SHPRH: variants seen among roughly 807,000 people sequenced by gnomAD.
The protein encoded by SHPRH is SNF2 histone linker PHD RING helicase, also known as E3 ubiquitin-protein ligase SHPRH.
In SHPRH, 106 loss-of-function variants were observed where a neutral mutation model predicts 202.5. The observed-to-expected ratio is 0.52, with a 90% CI of 0.45 to 0.62. The LOEUF is 0.62. Among genes scored for constraint, SHPRH ranks in the 20% least tolerant of loss-of-function variants. The probability of loss-of-function intolerance (pLI) is 0.00; values close to 1 mark genes in which losing one functional copy is unlikely to be tolerated. For synonymous variants in SHPRH, 729 were observed against 686.0 expected (o/e 1.06, Z -0.98); for missense variants, 1,710 against 2,020.0 (o/e 0.85, Z 2.94).
intron 27 of SHPRH, 78 bp from the exon 28 acceptor site, chr6:145,893,471 T>C (rs1216483232): frequency 2.4e-6 from 3 of 1,268,992 alleles, no homozygotes; most frequent in East Asian, 5.9e-5. Flanking sequence ...ACTTTAAAGA[T>C]GTCTAATGCT....
intron 25 of SHPRH, chr6:145,908,363 TA>T (rs2128732903): frequency 6.6e-6 from 1 of 152,328 alleles, no homozygotes; most frequent in African/African-American, 2.4e-5. Flanking sequence ...ATGGTTGCAC[TA>T]ATTTATATTC....
intron 16 of SHPRH, 102 bp downstream of exon 16, chr6:145,926,102 T>A: frequency 9.6e-7 from 1 of 1,046,068 alleles, no homozygotes; most frequent in East Asian, 2.6e-5. Flanking sequence ...AAAACATGAT[T>A]ACATTTATTT....
At chr6:145,869,309 C>T (rs779912125) in intron 2 of SHPRH, among the ~76,000 whole-genome samples, 1 of 152,310 alleles carries the variant, frequency 6.6e-6, no homozygotes, top group Non-Finnish European at 1.5e-5. Flanking sequence ...TTTTCATTCA[C>T]TTGACAGTGG....
rs1455512421 is a variant in SHPRH at position 145,886,724 on chromosome 6, G to C, written c.5019C>G (p.Asp1673Glu). 1 of 1,613,650 alleles carries C rather than the reference G, an allele frequency of 6.2e-7. No homozygotes were observed. The highest frequency in any genetic ancestry group is 8.5e-7 in the Non-Finnish European group (1 of 1,179,760). The change falls in exon 30 of 30, where the codon GAC (aspartate) becomes GAG (glutamate). Residue 1673 changes from aspartate to glutamate, a missense_variant. This residue lies in a region of SHPRH where 306 missense variants were observed against 479.5 expected (regional missense o/e 0.64). Transcript: ENST00000275233. ...GCTCTTCAGTTTCTTTGGTAAATAG[G>C]TCTGCCAGGTCAGCCACAGTCAAGA... ...ASVLTVADLA[D>E]LFTKETEELE
At chr6:145,948,743 A>T (rs1465426291) in intron 4 of SHPRH, among the ~76,000 whole-genome samples, 1 of 152,112 alleles carries the variant, frequency 6.6e-6, no homozygotes, top group African/African-American at 2.4e-5. Flanking sequence ...CTCAATAGAC[A>T]TATGCTAGGT....
At chr6:145,890,608 G>A (rs1781491075) in intron 28 of SHPRH, among the ~76,000 whole-genome samples, 1 of 152,060 alleles carries the variant, frequency 6.6e-6, no homozygotes, top group African/African-American at 2.4e-5. Context: ...TGGTGCCCTG[G>A]AGTTCAGTCC....
downstream of SHPRH, chr6:145,862,632 C>T (rs1207801403): frequency 6.6e-6 from 1 of 152,242 alleles, no homozygotes; most frequent in Non-Finnish European, 1.5e-5. Context: ...TTTACGTTCA[C>T]AGCATTTTGC....
intron 23 of SHPRH, among the ~76,000 whole-genome samples, chr6:145,915,959 A>C (rs1304618055): frequency 2.0e-5 from 3 of 152,052 alleles, no homozygotes; most frequent in Non-Finnish European, 4.4e-5. Flanking sequence ...CTTCAATTAC[A>C]AGTATGCTAG....
At position 145,935,444 on chromosome 6, in the gene SHPRH, GA is replaced by G; in HGVS notation, c.2570-4del. The G allele has an allele frequency of 1.2e-6, 2 of 1,611,146 alleles. No homozygotes were observed. Among genetic ancestry groups the G allele is most frequent in the Non-Finnish European group, 1.7e-6 (2 of 1,179,156 alleles). On this transcript the variant is annotated splice_region_variant and splice_polypyrimidine_tract_variant and intron_variant, in intron 11 of 29. Transcript: ENST00000275233. ...AAAGACCACTAACCCAAAAAGATCT[GA>G]AAAGAAAAAATAAAATACATTGAGG...
chr6:145,864,984 G>T (rs1307442704), intron 2 of SHPRH, among the ~76,000 whole-genome samples: 1 of 150,610 alleles, frequency 6.6e-6, no homozygotes, highest in African/African-American at 2.4e-5. Context: ...CACACTTTGA[G>T]ACCGTGGTGC....
intron 2 of SHPRH, among the ~76,000 whole-genome samples, chr6:145,953,631 A>T (rs1299733091): frequency 6.6e-6 from 1 of 152,172 alleles, no homozygotes; most frequent in African/African-American, 2.4e-5. Context: ...GACAGTTTTC[A>T]GTTAAACAAC....
chr6:145,864,198 A>T, downstream of SHPRH: 1 of 196,714 alleles, frequency 5.1e-6, no homozygotes, highest in East Asian at 1.4e-4. Flanking sequence ...TCACTTCCTC[A>T]TTTCTTTATT....
At chr6:145,927,138 T>G in intron 15 of SHPRH, 51 bp downstream of exon 15, 4 of 1,524,802 alleles carry the variant, frequency 2.6e-6, no homozygotes, top group Non-Finnish European at 3.6e-6. Context: ...AAAAATTATT[T>G]TGTTAAAAAA....
rs1419253350 is a variant in SHPRH, at chr6:145,947,632, T to G, written c.1073A>C (p.Glu358Ala). 6.2e-7 allele frequency: 1 copy of G among 1,612,428 alleles called. No individual in the cohort carries two copies. Among genetic ancestry groups the G allele is most frequent in the Non-Finnish European group, 8.5e-7 (1 of 1,179,030 alleles). Residue 358 changes from glutamate (E) to alanine (A), a missense_variant, in exon 6 of 30, where the codon GAG (glutamate) becomes GCG (alanine). Glu to Ala is a moderately radical substitution (Grantham distance 107, BLOSUM62 -1). This residue lies in a region of SHPRH where 459 missense variants were observed against 426.5 expected (regional missense o/e 1.08). Transcript: ENST00000275233. Reference sequence around the variant, plus strand: ...CAACTGCGGCCCAGAATTTGGGTACTCACGAATGATGCTGAGGAAAAAAAC... The same window carrying G: ...CAACTGCGGCCCAGAATTTGGGTACGCACGAATGATGCTGAGGAAAAAAAC... ...YNPYTGCIIR[E>A]YPNSGPQLLG...
chr6:145,938,656 T>C (rs1786383247), intron 11 of SHPRH, among the ~76,000 whole-genome samples: 1 of 152,210 alleles, frequency 6.6e-6, no homozygotes, highest in African/African-American at 2.4e-5. Context: ...TGCTAAATCC[T>C]TTGTATACTT....
chr6:145,933,700 G>A (rs957942851), intron 13 of SHPRH, among the ~76,000 whole-genome samples: 6 of 152,084 alleles, frequency 3.9e-5, no homozygotes, highest in African/African-American at 1.4e-4. Context: ...TCATATTTTA[G>A]AAATCTATAA....
At chr6:145,948,160 C>T (rs1291039938) in intron 5 of SHPRH, 112 bp downstream of exon 5, 13 of 686,892 alleles carry the variant, frequency 1.9e-5, no homozygotes, top group South Asian at 2.7e-5. Context: ...AAGACTTCAC[C>T]TTTGATTCCT....
At chr6:145,906,464 A>G (rs908774679) in intron 25 of SHPRH, 3 of 152,070 alleles carry the variant, frequency 2.0e-5, no homozygotes, top group Non-Finnish European at 4.4e-5. Context: ...TTTGTGCTCA[A>G]TAGCCCAATT....
chr6:145,887,779 C>G (rs942417763), intron 29 of SHPRH, among the ~76,000 whole-genome samples: 1 of 151,992 alleles, frequency 6.6e-6, no homozygotes. Context: ...AGAAAGTGAT[C>G]CAATGTGGCA....
Sources: gnomAD v4.1 joint callset for allele counts (sites outside exome capture counted in the v4.1 genomes callset) on GRCh38, gnomAD v4.1.1 for gene constraint, gnomAD v4.1.1 regional missense constraint, MANE v1.5 for transcripts, NCBI Gene and HGNC (gene_info 2026-07-23, HGNC 2026-07-21) for gene names.